CLRN2: variants seen among roughly 807,000 people sequenced by gnomAD.
CLRN2 encodes clarin-2.
Under a neutral mutation model 20.1 loss-of-function variants are expected in CLRN2, and 17 were observed. That is an observed-to-expected ratio of 0.85 (90% CI 0.58 to 1.27). The LOEUF is 1.27. Ranked by LOEUF, CLRN2 falls within the 50% of genes most tolerant of loss-of-function variation. The pLI is 0.00. For synonymous variants in CLRN2, 140 were observed against 126.9 expected (o/e 1.10, Z -0.70); for missense variants, 288 against 299.5 (o/e 0.96, Z 0.28).
In CLRN2 at chr4:17,515,209, G is replaced by T; in HGVS notation, c.-58G>T. 1 of 1,588,090 alleles carries T rather than the reference G, an allele frequency of 6.3e-7. No individual in the cohort carries two copies. Among genetic ancestry groups the T allele is most frequent in the Non-Finnish European group, 8.6e-7 (1 of 1,165,314 alleles). On this transcript the variant is annotated 5_prime_UTR_variant, in exon 1 of 3. Coordinates refer to ENST00000511148, the MANE Select transcript of CLRN2 (RefSeq NM_001079827.2). ...GCAGAGCATTGCCGAGTATCTGAAA[G>T]ATGTCAATGACCCTCGCTGCTGCTC...
At position 17,515,243 on chromosome 4, in the gene CLRN2, TG is replaced by T; in HGVS notation, c.-20del. 1 of 1,610,530 alleles carries T rather than the reference TG, an allele frequency of 6.2e-7. No individual in the cohort carries two copies. Among genetic ancestry groups the T allele is most frequent in the Non-Finnish European group, 8.5e-7 (1 of 1,177,998 alleles). On this transcript the variant is annotated 5_prime_UTR_variant, in exon 1 of 3. An upstream open reading frame in the 5' UTR loses its in-frame stop. Transcript: ENST00000511148. ...GACCCTCGCTGCTGCTCGGAGACCT[TG>T]GGGATGACCTGCACCCACTAGCATG...
At chr4:17,519,231 T>TATGCTGATAGAATG (rs1347570530) in intron 1 of CLRN2, among the ~76,000 whole-genome samples, 4 of 152,158 alleles carry the variant, frequency 2.6e-5, no homozygotes. Flanking sequence ...AGATGCATCA[T>TATGCTGATAGAATG]ATGCTGATAG....
At chr4:17,517,055 G>A (rs1160756619) in intron 1 of CLRN2, among the ~76,000 whole-genome samples, 1 of 152,216 alleles carries the variant, frequency 6.6e-6, no homozygotes, top group Non-Finnish European at 1.5e-5. Context: ...TAGGGGACTA[G>A]TAAATTATTT....
At chr4:17,524,756 T>TA (rs34927520) in intron 2 of CLRN2, among the ~76,000 whole-genome samples, 32,575 of 142,726 alleles carry the variant, frequency 0.23, 3,674 homozygotes, top group Middle Eastern at 0.33. Context: ...ACCCCATTTC[T>TA]AAAAAAAAAA....
rs1243599099 is a variant in CLRN2 at position 17,522,759 on chromosome 4, GC to G, written c.254-102del. On this transcript the variant is annotated intron_variant, in intron 1 of 2. Coordinates refer to ENST00000511148, the MANE Select transcript of CLRN2 (RefSeq NM_001079827.2). ...TTGAAATCCCCACGCTTGCTGTCTT[GC>G]CCTCACCCCTGTCTGTCGAAGCCTT... is the stretch of plus-strand genomic sequence containing the variant. The G allele has an allele frequency of 2.5e-6, 3 of 1,198,444 alleles. No homozygotes were observed. In the African/African-American group the frequency reaches 4.5e-5, roughly 18 times the overall value. 74.2% of individuals were successfully genotyped at this position (1,198,444 alleles called of 1,614,324 possible).
chr4:17,521,313 C>T (rs1032166509), intron 1 of CLRN2, among the ~76,000 whole-genome samples: 7 of 152,164 alleles, frequency 4.6e-5, no homozygotes, highest in East Asian at 1.9e-4. Context: ...TGTCACCTAA[C>T]GGGACACCTA....
At position 17,523,086 on chromosome 4, in the gene CLRN2, A is replaced by G. The variant is rs1314511433; in HGVS notation, c.433+43A>G. The G allele has an allele frequency of 3.3e-6, 5 of 1,534,606 alleles. No individual in the cohort carries two copies. In the African/African-American group the frequency reaches 4.1e-5, roughly 13 times the overall value. On this transcript the variant is annotated intron_variant, in intron 2 of 2. Coordinates refer to ENST00000511148, the MANE Select transcript of CLRN2 (RefSeq NM_001079827.2). ...GAGAGAAAATTATGTCCACACCATC[A>G]TAGGGCTGGGCTCCAAGTAGTTGGG...
chr4:17,526,992 G>C lies in CLRN2; in HGVS notation c.609G>C (p.Leu203Phe). The change falls in exon 3 of 3, where the codon TTG becomes TTC. Residue 203 changes from leucine to phenylalanine, a missense_variant. Transcript: ENST00000511148. ...GCGCTTCGGCCCATGCTGCAAACTT[G>C]GTCGTGGTGGCGATCAGTCAAATTC... ...VASASAHAAN[L>F]VVVAISQIPL... 1 of 1,613,178 alleles carries C rather than the reference G, an allele frequency of 6.2e-7. No homozygotes were observed. The highest frequency in any genetic ancestry group is 8.5e-7 in the Non-Finnish European group (1 of 1,179,404).
chr4:17,521,496 T>C (rs1560322458), intron 1 of CLRN2, among the ~76,000 whole-genome samples: 2 of 152,244 alleles, frequency 1.3e-5, no homozygotes, highest in Non-Finnish European at 2.9e-5. Context: ...GCTTTCATAA[T>C]GTTCAATTCT....
At chr4:17,524,352 C>T (rs1476677528) in intron 2 of CLRN2, among the ~76,000 whole-genome samples, 2 of 152,142 alleles carry the variant, frequency 1.3e-5, no homozygotes, top group East Asian at 3.9e-4. Context: ...TGAGGGCTGT[C>T]ACAGAAAACT....
rs1218668716 is a variant in CLRN2, at chr4:17,522,990, C to T, written c.380C>T (p.Pro127Leu). ...GCCATTCTTAACATGATCCAGGTCC[C>T]GTACCGGGCAGTCAGCGGTCCTGGG... ...GFAILNMIQV[P>L]YRAVSGPGGI... Residue 127 changes from proline (P) to leucine (L), a missense_variant, in exon 2 of 3, where the codon CCG becomes CTG. Physicochemically the swap from Pro to Leu is moderately conservative, Grantham distance 98 (BLOSUM62 -3). Transcript: ENST00000511148. 9.3e-6 allele frequency: 15 copies of T among 1,613,694 alleles called. No homozygotes were observed. Among genetic ancestry groups the T allele is most frequent in the African/African-American group, 4.0e-5 (3 of 74,916 alleles).
At chr4:17,524,596 T>C (rs1711924146) in intron 2 of CLRN2, among the ~76,000 whole-genome samples, 1 of 152,140 alleles carries the variant, frequency 6.6e-6, no homozygotes, top group African/African-American at 2.4e-5. Context: ...GCATGAATCC[T>C]CACAGAGGCT....
At chr4:17,518,023 T>C (rs1435872782) in intron 1 of CLRN2, among the ~76,000 whole-genome samples, 2 of 150,798 alleles carry the variant, frequency 1.3e-5, no homozygotes, top group Admixed American at 6.7e-5. Flanking sequence ...AGTCTGTTTC[T>C]CCTGGGGTCT....
At chr4:17,520,583 C>T (rs1042935133) in intron 1 of CLRN2, among the ~76,000 whole-genome samples, 2 of 152,238 alleles carry the variant, frequency 1.3e-5, no homozygotes, top group African/African-American at 4.8e-5. Flanking sequence ...CTTCCTTACA[C>T]CATTGTCAAC....
chr4:17,515,363 TG>T lies in CLRN2; in HGVS notation c.99del (p.Trp33CysfsTer2). On this transcript the variant is annotated frameshift_variant, in exon 1 of 3. Transcript: ENST00000511148. LOFTEE classifies it high-confidence loss of function. ...LIIVALVVPH[W>X]LSGKILCQTG... The stretch of plus-strand genomic sequence containing the variant: ...CATCGTTGCCCTGGTAGTGCCCCAC[TG>T]GCTGAGTGGGAAAATCCTTTGTCAG... 1 of 1,614,022 alleles carries T rather than the reference TG, an allele frequency of 6.2e-7. No individual in the cohort carries two copies.
At chr4:17,518,276 AGG>A (rs1347680684) in intron 1 of CLRN2, among the ~76,000 whole-genome samples, 5 of 152,198 alleles carry the variant, frequency 3.3e-5, no homozygotes, top group Non-Finnish European at 7.3e-5. Flanking sequence ...GCAAAGATTA[AGG>A]TCCTTTTTTT....
At chr4:17,526,087 A>G (rs1711967691) in intron 2 of CLRN2, among the ~76,000 whole-genome samples, 1 of 152,138 alleles carries the variant, frequency 6.6e-6, no homozygotes, top group Admixed American at 6.5e-5. Flanking sequence ...TCCTTTTTCT[A>G]TGAATGGTCA....
intron 2 of CLRN2, among the ~76,000 whole-genome samples, chr4:17,524,756 T>TAA (rs34927520): frequency 1.7e-4 from 24 of 142,868 alleles, no homozygotes; most frequent in South Asian, 2.2e-4. Context: ...ACCCCATTTC[T>TAA]AAAAAAAAAA....
chr4:17,520,250 A>G (rs189570475), intron 1 of CLRN2, among the ~76,000 whole-genome samples: 42 of 152,260 alleles, frequency 2.8e-4, no homozygotes, highest in African/African-American at 9.1e-4. Flanking sequence ...TCATCCTAAT[A>G]TGATTATTTC....
Sources: allele counts gnomAD v4.1 joint callset (sites outside exome capture counted in the v4.1 genomes callset), GRCh38; gene constraint gnomAD v4.1.1; transcripts MANE v1.5; gene names NCBI Gene and HGNC (gene_info 2026-07-23, HGNC 2026-07-21).